HSD17B12: variants seen among roughly 807,000 people sequenced by gnomAD.
The protein encoded by HSD17B12 is hydroxysteroid 17-beta dehydrogenase 12.
A neutral mutation model predicts 39.3 loss-of-function variants in HSD17B12; 32 were observed. The observed-to-expected ratio is 0.81, with a 90% confidence interval of 0.61 to 1.09. HSD17B12 has a LOEUF of 1.09. Ranked by LOEUF, HSD17B12 falls within the 50% of genes least tolerant of loss-of-function variation. The pLI, the probability that HSD17B12 is intolerant of heterozygous loss-of-function variation, is 0.00. For missense variants in HSD17B12, 342 were observed against 382.9 expected (o/e 0.89, Z 0.89); for synonymous variants, 150 against 146.7 (o/e 1.02, Z -0.16).
At chr11:43,658,456 G>A in the HSD17B12 span, among the ~76,000 whole-genome samples, 5 of 152,202 alleles carry the variant, frequency 3.3e-5, no homozygotes, top group Non-Finnish European at 4.4e-5. Context: ...TTCTTTGGAG[G>A]AGGAGAGGCA....
rs192330306 is a variant in HSD17B12, at chr11:43,707,072, G to A, written c.160+26085G>A. 9.9e-5 allele frequency among the ~76,000 whole-genome samples: 15 copies of A among 152,016 alleles called. No individual in the cohort carries two copies. The East Asian group carries it at 1.5e-3, about 16-fold the overall frequency. ...GATATAACATCAGAGAAGTTATATC[G>A]TCTATTCTTAGGTTCTCTCCACACC... On this transcript the variant is annotated intron_variant, in intron 1 of 10. Transcript: ENST00000278353.
chr11:43,851,502 T>C (rs1344839359), intron 9 of HSD17B12, among the ~76,000 whole-genome samples: 1 of 152,238 alleles, frequency 6.6e-6, no homozygotes, highest in Non-Finnish European at 1.5e-5. Flanking sequence ...TTTAAATCAT[T>C]GGCAAGTAGC....
the HSD17B12 span, among the ~76,000 whole-genome samples, chr11:43,558,657 G>A: frequency 2.1e-4 from 32 of 152,186 alleles, no homozygotes; most frequent in South Asian, 6.2e-4. Flanking sequence ...GAAATATGAC[G>A]AGGGTTCTTT....
intron 2 of HSD17B12, among the ~76,000 whole-genome samples, chr11:43,753,542 C>T (rs1950483888): frequency 6.7e-6 from 1 of 148,954 alleles, no homozygotes; most frequent in Non-Finnish European, 1.5e-5. Context: ...GCATGTGCCA[C>T]CACACCCAGA....
At chr11:43,832,517 A>T (rs1951321333) in intron 7 of HSD17B12, among the ~76,000 whole-genome samples, 1 of 152,198 alleles carries the variant, frequency 6.6e-6, no homozygotes, top group Admixed American at 6.5e-5. Context: ...AGATGAAAAA[A>T]TAGAGGCCCA....
intron 3 of HSD17B12, chr11:43,754,946 A>G (rs1208911447): frequency 1.3e-6 from 1 of 745,294 alleles, no homozygotes; most frequent in African/African-American, 1.7e-5. Context: ...AACCAGATGG[A>G]TAAACCAATG....
intron 3 of HSD17B12, among the ~76,000 whole-genome samples, chr11:43,762,383 G>C (rs145858324): frequency 6.6e-6 from 1 of 152,298 alleles, no homozygotes; most frequent in East Asian, 1.9e-4. Flanking sequence ...CACTGAGCAG[G>C]AAGCCTGACT....
chr11:43,831,107 T>C lies in HSD17B12; in HGVS notation c.536+97T>C, dbSNP rs1185477959. On this transcript the variant is annotated intron_variant, in intron 7 of 10. Coordinates refer to ENST00000278353, the MANE Select transcript of HSD17B12 (RefSeq NM_016142.3). The surrounding 1 kb of genome is among the most constrained non-coding windows in gnomAD (Gnocchi z 4.1). The stretch of plus-strand genomic sequence containing the variant: ...TTGAAAAAATCACTGAAGTGACTAA[T>C]GAACCAAGCCTCCATGTCTTAGCCA... 9 of 1,143,756 alleles carry C rather than the reference T, an allele frequency of 7.9e-6. No homozygotes were observed. The East Asian group carries it at 2.2e-4, about 28-fold the overall frequency. 70.9% of individuals were successfully genotyped at this position (1,143,756 alleles called of 1,614,324 possible).
At chr11:43,594,736 G>C in the HSD17B12 span, among the ~76,000 whole-genome samples, 5 of 151,958 alleles carry the variant, frequency 3.3e-5, no homozygotes, top group African/African-American at 1.2e-4. Flanking sequence ...TGCATTAGTC[G>C]TTTGTTTTTC....
chr11:43,612,155 A>G, the HSD17B12 span, among the ~76,000 whole-genome samples: 2 of 152,304 alleles, frequency 1.3e-5, no homozygotes, highest in Admixed American at 6.5e-5. Flanking sequence ...CAAATGATGT[A>G]ATTCATAGGA....
At chr11:43,782,100 TG>T in intron 3 of HSD17B12, among the ~76,000 whole-genome samples, 1 of 152,218 alleles carries the variant, frequency 6.6e-6, no homozygotes, top group East Asian at 1.9e-4. Context: ...ATCATTAGCA[TG>T]AAACTTAGTA....
chr11:43,607,435 C>T, the HSD17B12 span, among the ~76,000 whole-genome samples: 10 of 152,084 alleles, frequency 6.6e-5, no homozygotes, highest in African/African-American at 1.9e-4. Flanking sequence ...ATACAAAAGC[C>T]GCTCAAGCAC....
chr11:43,627,634 A>G, the HSD17B12 span, among the ~76,000 whole-genome samples: 2 of 151,932 alleles, frequency 1.3e-5, no homozygotes, highest in African/African-American at 4.8e-5. Flanking sequence ...TTAGATTTTG[A>G]TTGAAGAATT....
At chr11:43,583,530 T>G in the HSD17B12 span, among the ~76,000 whole-genome samples, 1 of 152,184 alleles carries the variant, frequency 6.6e-6, no homozygotes, top group Non-Finnish European at 1.5e-5. Flanking sequence ...CCCTTCCCCC[T>G]TCCCTTCACA....
chr11:43,736,580 G>A (rs1270327249), intron 1 of HSD17B12, among the ~76,000 whole-genome samples: 4 of 152,110 alleles, frequency 2.6e-5, no homozygotes, highest in African/African-American at 9.7e-5. Context: ...CTCATACCAT[G>A]GGATTGTGGA....
chr11:43,590,506 A>ATTTTTTTTTTTTTTTTT, the HSD17B12 span, among the ~76,000 whole-genome samples: 163 of 51,606 alleles, frequency 3.2e-3, 32 homozygotes, highest in African/African-American at 8.5e-3. Flanking sequence ...GGAGTGAGTG[A>ATTTTTTTTTTTTTTTTT]TTTTTTTTTT....
intron 3 of HSD17B12, among the ~76,000 whole-genome samples, chr11:43,768,609 T>C (rs893486255): frequency 6.6e-5 from 10 of 152,192 alleles, no homozygotes; most frequent in African/African-American, 2.4e-4. Context: ...TTCTGGTGGG[T>C]TCATGGTCTT....
At chr11:43,770,209 G>A (rs1295095919) in intron 3 of HSD17B12, among the ~76,000 whole-genome samples, 2 of 152,140 alleles carry the variant, frequency 1.3e-5, no homozygotes, top group Non-Finnish European at 2.9e-5. Flanking sequence ...TTAAAAATCA[G>A]TACATTTCAC....
intron 1 of HSD17B12, among the ~76,000 whole-genome samples, chr11:43,737,454 C>A (rs1357138505): frequency 6.6e-6 from 1 of 152,146 alleles, no homozygotes; most frequent in Non-Finnish European, 1.5e-5. Context: ...CTTCTGGATG[C>A]CAAGTTGGGC....
Sources: allele counts gnomAD v4.1 joint callset (sites outside exome capture counted in the v4.1 genomes callset), GRCh38; gene constraint gnomAD v4.1.1; non-coding constraint Gnocchi (gnomAD v3.1); transcripts MANE v1.5; gene names NCBI Gene and HGNC (gene_info 2026-07-23, HGNC 2026-07-21).